The following CHAF1A variants were observed in gnomAD, a reference collection of about 807,000 sequenced individuals.
CHAF1A encodes chromatin assembly factor 1 subunit A, also known as CAF-1 subunit A.
In CHAF1A, 5 loss-of-function variants were observed where a neutral mutation model predicts 93.2. The ratio of observed to expected loss-of-function variants is 0.05; its 90% confidence interval spans 0.03 to 0.11. The LOEUF (loss-of-function observed/expected upper bound fraction) is 0.11, where lower values mean the gene tolerates loss of function less well. Ranked by LOEUF, CHAF1A falls within the 10% of genes least tolerant of loss-of-function variation. CHAF1A has a pLI of 1.00. For synonymous variants in CHAF1A, 504 were observed against 510.3 expected (o/e 0.99, Z 0.17); for missense variants, 1,102 against 1,259.9 (o/e 0.87, Z 1.90).
chr19:4,405,987 G>C, intron 2 of CHAF1A, 25 bp downstream of exon 2: 1 of 1,589,962 alleles, frequency 6.3e-7, no homozygotes, highest in Non-Finnish European at 8.6e-7. Flanking sequence ...ATGGGTTAAA[G>C]AGTTGTTCGT....
chr19:4,427,615 T>G (rs1168662307), intron 7 of CHAF1A, among the ~76,000 whole-genome samples: 1 of 151,048 alleles, frequency 6.6e-6, no homozygotes, highest in Admixed American at 6.6e-5. Flanking sequence ...TGAGATGGAG[T>G]CTTGCTCTAT....
At chr19:4,450,333 C>T in the CHAF1A span, 1 of 151,274 alleles carries the variant, frequency 6.6e-6, no homozygotes, top group Non-Finnish European at 1.5e-5. Context: ...TGAACTAAAA[C>T]TGACACATTT....
At chr19:4,439,282 GAAA>G (rs566076895) in intron 13 of CHAF1A, among the ~76,000 whole-genome samples, 1 of 129,210 alleles carries the variant, frequency 7.7e-6, no homozygotes. Flanking sequence ...CTGCGTCTCA[GAAA>G]AAAAAAAAAA....
Position 4,412,412 on chromosome 19 carries a change from C to T in CHAF1A, c.960+2653C>T, listed in dbSNP as rs534697956. On this transcript the variant is annotated intron_variant, in intron 3 of 14. Coordinates refer to ENST00000301280, the MANE Select transcript of CHAF1A (RefSeq NM_005483.3). ...ACAGAAAATTAGCTGGGTATGGTGA[C>T]GCTTGCCTGTAATCCCAGCTACGCC... Among the ~76,000 whole-genome samples, 215 of 152,300 alleles carry T rather than the reference C, an allele frequency of 1.4e-3. 3 individuals carry two copies. The highest frequency in any genetic ancestry group is 4.9e-3 in the African/African-American group (205 of 41,564).
chr19:4,445,416 T>C (rs1974485142), downstream of CHAF1A: 1 of 1,587,154 alleles, frequency 6.3e-7, no homozygotes, highest in Non-Finnish European at 8.6e-7. Context: ...CAGAGGTGGC[T>C]TGGAGGCCCT....
intron 3 of CHAF1A, among the ~76,000 whole-genome samples, chr19:4,417,546 C>T (rs933007262): frequency 1.3e-5 from 2 of 149,892 alleles, no homozygotes; most frequent in African/African-American, 4.9e-5. Context: ...CTGCAACCTC[C>T]TTCTCCTGGG....
downstream of CHAF1A, chr19:4,446,975 C>T: frequency 6.4e-7 from 1 of 1,553,858 alleles, no homozygotes; most frequent in East Asian, 2.3e-5. Flanking sequence ...ATGGCCTGGC[C>T]ACACCCCACC....
intron 4 of CHAF1A, among the ~76,000 whole-genome samples, chr19:4,420,957 G>A (rs899300656): frequency 5.3e-5 from 8 of 152,200 alleles, no homozygotes; most frequent in East Asian, 1.9e-4. Flanking sequence ...CCAGCTACTC[G>A]GGAGGCTGAG....
chr19:4,423,165 T>C (rs1182213223), intron 5 of CHAF1A, among the ~76,000 whole-genome samples, 170 bp from the exon 6 acceptor site: 1 of 152,232 alleles, frequency 6.6e-6, no homozygotes, highest in Non-Finnish European at 1.5e-5. Flanking sequence ...ATTGACTGTT[T>C]TCCATTTTTA....
Position 4,443,092 on chromosome 19 carries a change from C to A in CHAF1A, c.*67C>A. The A allele has an allele frequency of 9.6e-7, 1 of 1,043,188 alleles. No individual in the cohort carries two copies. Among genetic ancestry groups the A allele is most frequent in the South Asian group, 1.4e-5 (1 of 73,860 alleles). The allele number at this position is 1,043,188 out of a possible 1,614,324, so 64.6% of individuals were successfully genotyped here. ...CACAGAGCAGATACTTGAACCGACTCAATTCCTGTGTAAAGAGCACTTTGT... is the reference window on the plus strand; with the variant it reads ...CACAGAGCAGATACTTGAACCGACTAAATTCCTGTGTAAAGAGCACTTTGT... On this transcript the variant is annotated 3_prime_UTR_variant, in exon 15 of 15. Transcript: ENST00000301280.
chr19:4,445,139 CACCCACG>C (rs1420244639), downstream of CHAF1A: 5 of 256,102 alleles, frequency 2.0e-5, no homozygotes, highest in Non-Finnish European at 2.3e-5. Flanking sequence ...CAGCCACTGC[CACCCACG>C]GCACACGGGA....
Position 4,418,017 on chromosome 19 carries a change from C to A in CHAF1A, c.961-3C>A. On this transcript the variant is annotated splice_polypyrimidine_tract_variant and splice_region_variant and intron_variant, in intron 3 of 14. Transcript: ENST00000301280. ...TTTAAAGATAAACGTCTTCTGTTTT[C>A]AGATAACTAAGAAATTCGTCAAAGG... is the stretch of plus-strand genomic sequence containing the variant. 6.3e-7 allele frequency: 1 copy of A among 1,599,664 alleles called. No individual in the cohort carries two copies. Among genetic ancestry groups the A allele is most frequent in the Non-Finnish European group, 8.5e-7 (1 of 1,172,102 alleles).
Position 4,406,212 on chromosome 19 carries a change from G to A in CHAF1A, c.103+250G>A, listed in dbSNP as rs141182040. Among the ~76,000 whole-genome samples the A allele has an allele frequency of 3.4e-3, 516 of 151,998 alleles. 1 individual carries two copies. Among genetic ancestry groups the A allele is most frequent in the Non-Finnish European group, 6.5e-3 (442 of 67,950 alleles). ...TGGGAGCTCTCCTGTATGTTGTAGG[G>A]AGCGTAGCAGCATCCCTGGCCTCTT... On this transcript the variant is annotated intron_variant, in intron 2 of 14. Transcript: ENST00000301280.
chr19:4,418,365 A>G lies in CHAF1A; in HGVS notation c.1017+289A>G, dbSNP rs1317558629. The stretch of plus-strand genomic sequence containing the variant: ...GGTTCAGTATCCCATTGTAGCTTCA[A>G]ATTACCTTCCAAAAACCCAGTCCAT... On this transcript the variant is annotated intron_variant, in intron 4 of 14. Coordinates refer to ENST00000301280, the MANE Select transcript of CHAF1A (RefSeq NM_005483.3). 4.0e-5 allele frequency among the ~76,000 whole-genome samples: 6 copies of G among 151,216 alleles called. No individual in the cohort carries two copies. The East Asian group carries it at 1.2e-3, about 29-fold the overall frequency.
In CHAF1A at chr19:4,433,622, A is replaced by G; in HGVS notation, c.2673+83A>G. 8.9e-7 allele frequency: 1 copy of G among 1,122,964 alleles called. No individual in the cohort carries two copies. Among genetic ancestry groups the G allele is most frequent in the Non-Finnish European group, 1.2e-6 (1 of 801,000 alleles). The allele number at this position is 1,122,964 out of a possible 1,614,324, so 69.6% of individuals were successfully genotyped here. A position where few individuals can be genotyped will look rare whatever the true frequency, so the allele number is the denominator to read the frequency against. The stretch of plus-strand genomic sequence containing the variant: ...TTTGTTGTTTTGTTTTTTTTTCGAG[A>G]TGGAGTCCTGCTCTGTCACCCAGGC... On this transcript the variant is annotated intron_variant, in intron 13 of 14. Coordinates refer to ENST00000301280, the MANE Select transcript of CHAF1A (RefSeq NM_005483.3). The surrounding 1 kb of genome is among the most constrained non-coding windows in gnomAD (Gnocchi z 5.6).
In CHAF1A at chr19:4,433,061, T is replaced by G; in HGVS notation, c.2204-9T>G. 1 of 1,541,424 alleles carries G rather than the reference T, an allele frequency of 6.5e-7. No individual in the cohort carries two copies. Among genetic ancestry groups the G allele is most frequent in the Non-Finnish European group, 8.8e-7 (1 of 1,137,532 alleles). On this transcript the variant is annotated splice_polypyrimidine_tract_variant and intron_variant, in intron 12 of 14. Transcript: ENST00000301280. The surrounding 1 kb of genome is among the most constrained non-coding windows in gnomAD (Gnocchi z 5.6). ...AAGCCTCATGCCCACCCATGTTCCC[T>G]CCTGCCAGTCCTGGCCCAGCTGCTG...
At chr19:4,441,257 C>T (rs1316157445) in intron 13 of CHAF1A, among the ~76,000 whole-genome samples, 1 of 151,986 alleles carries the variant, frequency 6.6e-6, no homozygotes, top group Non-Finnish European at 1.5e-5. Flanking sequence ...TCAGAAGTTG[C>T]AGTGAGCCAA....
chr19:4,437,487 T>C (rs1974306627), intron 13 of CHAF1A, among the ~76,000 whole-genome samples: 1 of 151,938 alleles, frequency 6.6e-6, no homozygotes, highest in Non-Finnish European at 1.5e-5. Context: ...GAGCTGGGAG[T>C]ATAGAGGCAC....
rs778220804 is a variant in CHAF1A at position 4,423,846 on chromosome 19, A to T, written c.1349A>T (p.Gln450Leu). ...AEKAEITRFF[Q>L]KPKTPQAPKT... ...AAGGCCGAAATCACGAGGTTCTTCC[A>T]GAAACCAAAGACTCCACAGGCCCCC... Residue 450 changes from glutamine (Q) to leucine (L), a missense_variant, in exon 7 of 15, where the codon CAG becomes CTG. By Grantham distance (113) the Gln-to-Leu change is moderately radical. Coordinates refer to ENST00000301280, the MANE Select transcript of CHAF1A (RefSeq NM_005483.3). 1 of 1,614,154 alleles carries T rather than the reference A, an allele frequency of 6.2e-7. No individual in the cohort carries two copies. Among genetic ancestry groups the T allele is most frequent in the South Asian group, 1.1e-5 (1 of 91,088 alleles).
Sources: allele counts gnomAD v4.1 joint callset (sites outside exome capture counted in the v4.1 genomes callset), GRCh38; gene constraint gnomAD v4.1.1; non-coding constraint Gnocchi (gnomAD v3.1); transcripts MANE v1.5; gene names NCBI Gene and HGNC (gene_info 2026-07-23, HGNC 2026-07-21).